Variants in DCBLD1 observed in about 807,000 individuals in gnomAD.
DCBLD1 encodes the protein discoidin, CUB and LCCL domain containing 1, also known as discoidin, CUB and LCCL domain-containing protein 1.
A neutral mutation model predicts 71.5 loss-of-function variants in DCBLD1; 57 were observed. The ratio of observed to expected loss-of-function variants is 0.80; its 90% CI spans 0.64 to 0.99. DCBLD1 has a LOEUF of 0.99. Among genes scored for constraint, DCBLD1 ranks in the 50% least tolerant of loss-of-function variants. The probability of loss-of-function intolerance (pLI) is 0.00; values close to 1 mark genes in which losing one functional copy is unlikely to be tolerated. For missense variants in DCBLD1, 891 were observed against 923.5 expected, an observed-to-expected ratio of 0.96 and a Z score of 0.46; for synonymous variants, 380 against 363.8, an observed-to-expected ratio of 1.04 and a Z score of -0.51.
At chr6:117,544,469 G>GGA in intron 12 of DCBLD1, 59 bp from the exon 13 acceptor site, 1 of 1,569,700 alleles carries the variant, frequency 6.4e-7, no homozygotes, top group East Asian at 2.2e-5. Flanking sequence ...TGTTATATAG[G>GGA]GAGAGAGAGG....
intron 14 of DCBLD1, among the ~76,000 whole-genome samples, chr6:117,555,482 G>A (rs1041160289): frequency 6.6e-6 from 1 of 152,138 alleles, no homozygotes; most frequent in African/African-American, 2.4e-5. Context: ...CACCTAGTGA[G>A]CATGACACAT....
chr6:117,526,145 T>A (rs924734903), intron 5 of DCBLD1, among the ~76,000 whole-genome samples: 1 of 152,244 alleles, frequency 6.6e-6, no homozygotes, highest in Admixed American at 6.5e-5. Context: ...ATAACCTTTA[T>A]CTACTTGTTC....
intron 14 of DCBLD1, among the ~76,000 whole-genome samples, chr6:117,547,412 A>T (rs554274133): frequency 1.3e-5 from 2 of 152,310 alleles, no homozygotes; most frequent in South Asian, 4.1e-4. Context: ...CCTGGCAAAG[A>T]GTAGGAGCTC....
intron 2 of DCBLD1, among the ~76,000 whole-genome samples, chr6:117,511,973 T>A (rs1778038437): frequency 6.6e-6 from 1 of 152,240 alleles, no homozygotes; most frequent in South Asian, 2.1e-4. Flanking sequence ...TTTTGCCTTT[T>A]ATGCCAAGAT....
At chr6:117,539,158 T>G in intron 8 of DCBLD1, 97 bp from the exon 9 acceptor site, 1 of 1,176,102 alleles carries the variant, frequency 8.5e-7, no homozygotes, top group South Asian at 1.7e-5. Flanking sequence ...GATCTGAGGT[T>G]TCAAATGAGG....
rs368128667 is a variant in DCBLD1, at chr6:117,544,554, G to C, written c.1472G>C (p.Gly491Ala). 6.2e-7 allele frequency: 1 copy of C among 1,613,996 alleles called. No individual in the cohort carries two copies. The highest frequency in any genetic ancestry group is 8.5e-7 in the Non-Finnish European group (1 of 1,179,996). Residue 491 changes from glycine (G) to alanine (A), a missense_variant, in exon 13 of 15, where the codon GGA (glycine) becomes GCA (alanine). By Grantham distance (60) the Gly-to-Ala change is moderately conservative. Coordinates refer to ENST00000338728, the MANE Select transcript of DCBLD1 (RefSeq NM_001366458.2). ...RKKKKKGSPYGSAEAQKTDCW... is the reference protein window; with the variant it reads ...RKKKKKGSPYASAEAQKTDCW... ...AAGAAGAAGAAAGGAAGTCCGTATG[G>C]ATCAGCAGAGGCTCAGAAAACAGGT...
chr6:117,500,962 T>C (rs1038010800), intron 1 of DCBLD1, among the ~76,000 whole-genome samples: 1 of 151,104 alleles, frequency 6.6e-6, no homozygotes, highest in African/African-American at 2.5e-5. Flanking sequence ...TTGACTCATA[T>C]AATTGCTCCT....
Position 117,563,106 on chromosome 6 carries a change from G to T in DCBLD1, c.1616-6514G>T, listed in dbSNP as rs933940019. The T allele has an allele frequency of 2.5e-5, 17 of 671,696 alleles. No homozygotes were observed. In the African/African-American group the frequency reaches 2.7e-4, roughly 11 times the overall value. The allele number at this position is 671,696 out of a possible 1,614,324, so 41.6% of individuals were successfully genotyped here. On this transcript the variant is annotated intron_variant, in intron 14 of 14. Coordinates refer to the DCBLD1 transcript ENST00000296955. The stretch of plus-strand genomic sequence containing the variant: ...GAAAACAGGGTGTTTTATGCATTGA[G>T]AATTGTTCACATGAAGCCCTGAGGT...
At chr6:117,551,364 C>CATTTATTT (rs66551810), downstream of DCBLD1, among the ~76,000 whole-genome samples, 18 of 148,050 alleles carry the variant, frequency 1.2e-4, no homozygotes, top group African/African-American at 3.0e-4. Context: ...TGAGTATTTC[C>CATTTATTT]ATTTATTTAT....
intron 2 of DCBLD1, among the ~76,000 whole-genome samples, chr6:117,512,601 A>T (rs1298523791): frequency 2.0e-5 from 3 of 152,202 alleles, no homozygotes; most frequent in African/African-American, 7.2e-5. Flanking sequence ...CTCTGAGCAC[A>T]GATCTGGGCC....
chr6:117,568,438 T>C (rs1378168037), intron 14 of DCBLD1, among the ~76,000 whole-genome samples: 3 of 152,234 alleles, frequency 2.0e-5, no homozygotes, highest in Admixed American at 2.0e-4. Flanking sequence ...AATTTTAATA[T>C]GTGCTTAGTT....
At position 117,548,198 on chromosome 6, in the gene DCBLD1, C is replaced by T. The variant is rs1055974215; in HGVS notation, c.1907C>T (p.Ser636Leu). 2.6e-6 allele frequency: 4 copies of T among 1,550,474 alleles called. No individual in the cohort carries two copies. The highest frequency in any genetic ancestry group is 2.6e-6 in the Non-Finnish European group (3 of 1,146,956). The change falls in exon 15 of 15, where the codon TCG becomes TTG. Residue 636 changes from serine to leucine, a missense_variant. Coordinates refer to ENST00000338728, the MANE Select transcript of DCBLD1 (RefSeq NM_001366458.2). ...CCCGGCCACAAACACTCCCTCTCCT[C>T]GGGCGGCTTCTCCCCCGTAGCGGGT... ...PQPGHKHSLS[S>L]GGFSPVAGVG... is the part of the protein sequence containing the mutation.
downstream of DCBLD1, among the ~76,000 whole-genome samples, chr6:117,550,588 T>G (rs935782478): frequency 6.6e-6 from 1 of 152,218 alleles, no homozygotes; most frequent in Non-Finnish European, 1.5e-5. Flanking sequence ...ATTATTGTTA[T>G]TTAAATGTTC....
At chr6:117,515,180 C>T (rs1431624057) in intron 2 of DCBLD1, among the ~76,000 whole-genome samples, 4 of 151,864 alleles carry the variant, frequency 2.6e-5, no homozygotes, top group African/African-American at 9.7e-5. Context: ...CCACCATGCT[C>T]GGCTAATTTT....
chr6:117,511,786 A>T (rs1413847275), intron 2 of DCBLD1, among the ~76,000 whole-genome samples: 1 of 152,190 alleles, frequency 6.6e-6, no homozygotes, highest in Non-Finnish European at 1.5e-5. Context: ...CATATTATGA[A>T]GTAGAAGGAA....
intron 5 of DCBLD1, among the ~76,000 whole-genome samples, chr6:117,525,689 C>CA (rs1203591247): frequency 6.6e-6 from 1 of 152,146 alleles, no homozygotes; most frequent in African/African-American, 2.4e-5. Context: ...ATTCCATCCA[C>CA]TTTTTGTAAG....
chr6:117,501,819 A>G (rs1777671315), intron 1 of DCBLD1, among the ~76,000 whole-genome samples: 1 of 152,222 alleles, frequency 6.6e-6, no homozygotes, highest in African/African-American at 2.4e-5. Flanking sequence ...AGGGAGCCCA[A>G]GGAATTTAGC....
chr6:117,504,121 A>G (rs1777758718), intron 2 of DCBLD1, 142 bp downstream of exon 2: 2 of 884,680 alleles, frequency 2.3e-6, no homozygotes, highest in Admixed American at 2.8e-5. Context: ...GGTAACTTAG[A>G]AGGATACATT....
intron 1 of DCBLD1, among the ~76,000 whole-genome samples, chr6:117,493,659 CCT>C (rs1299838364): frequency 1.3e-5 from 2 of 152,168 alleles, no homozygotes; most frequent in African/African-American, 4.8e-5. Flanking sequence ...AGTTTTGTCA[CCT>C]CTAAGATGGG....
Sources: allele counts gnomAD v4.1 joint callset (sites outside exome capture counted in the v4.1 genomes callset), GRCh38; gene constraint gnomAD v4.1.1; transcripts MANE v1.5; gene names NCBI Gene and HGNC (gene_info 2026-07-23, HGNC 2026-07-21).